The following MATCAP2 variants were observed in gnomAD, a reference collection of about 807,000 sequenced individuals.
The protein encoded by MATCAP2 is putative tyrosine carboxypeptidase MATCAP2.
the MATCAP2 span, chr7:36,333,803 T>C: frequency 1.4e-6 from 2 of 1,423,770 alleles, no homozygotes; most frequent in South Asian, 1.5e-5. Flanking sequence ...ATAAACAAAA[T>C]CACTAGACAA....
chr7:36,377,157 T>C, the MATCAP2 span, among the ~76,000 whole-genome samples: 1 of 152,206 alleles, frequency 6.6e-6, no homozygotes, highest in African/African-American at 2.4e-5. Context: ...TGTTAGCTGG[T>C]TATTTTGCCC....
chr7:36,358,554 A>C, the MATCAP2 span, among the ~76,000 whole-genome samples: 1 of 152,352 alleles, frequency 6.6e-6, no homozygotes, highest in East Asian at 1.9e-4. Flanking sequence ...AATATATCAA[A>C]TGGCAAGTGA....
At chr7:36,378,446 C>T in the MATCAP2 span, among the ~76,000 whole-genome samples, 5,655 of 152,246 alleles carry the variant, frequency 0.037, 143 homozygotes, top group African/African-American at 0.061. Flanking sequence ...GCAAATATTG[C>T]TGCCTGATCC....
chr7:36,389,714 G>A, the MATCAP2 span: 2 of 309,170 alleles, frequency 6.5e-6, no homozygotes, highest in Non-Finnish European at 1.2e-5. Context: ...AGGGGGCCGG[G>A]AAGGAGGCGG....
the MATCAP2 span, chr7:36,390,034 C>G: frequency 6.2e-7 from 1 of 1,614,028 alleles, no homozygotes; most frequent in Non-Finnish European, 8.5e-7. Flanking sequence ...GCGATGGATC[C>G]GTTTACGGAG....
chr7:36,366,602 T>G, the MATCAP2 span: 1 of 1,387,886 alleles, frequency 7.2e-7, no homozygotes. Flanking sequence ...ACCTAGCGTG[T>G]TTTGAAATAG....
At chr7:36,367,216 G>C in the MATCAP2 span, 1 of 1,155,004 alleles carries the variant, frequency 8.7e-7, no homozygotes, top group South Asian at 4.4e-5. Flanking sequence ...CCGTGACGTA[G>C]CCGCTCCGCC....
the MATCAP2 span, among the ~76,000 whole-genome samples, chr7:36,386,624 AG>A: frequency 6.6e-6 from 1 of 152,228 alleles, no homozygotes; most frequent in Non-Finnish European, 1.5e-5. Flanking sequence ...TAAATCCATA[AG>A]AAAAAGGCAA....
the MATCAP2 span, among the ~76,000 whole-genome samples, chr7:36,337,134 T>G: frequency 1.8e-5 from 1 of 54,538 alleles, no homozygotes; most frequent in African/African-American, 6.6e-5. Flanking sequence ...AAGCAATCAG[T>G]CTTCTGCAAC....
At chr7:36,334,002 G>A in the MATCAP2 span, 2 of 1,614,096 alleles carry the variant, frequency 1.2e-6, no homozygotes, top group Non-Finnish European at 1.7e-6. Flanking sequence ...GTAGAGGAGG[G>A]CAGCCCTCCA....
chr7:36,378,164 C>A, the MATCAP2 span, among the ~76,000 whole-genome samples: 1 of 152,188 alleles, frequency 6.6e-6, no homozygotes, highest in African/African-American at 2.4e-5. Flanking sequence ...GAGCTGTGAT[C>A]CTTTAGAGAA....
the MATCAP2 span, among the ~76,000 whole-genome samples, chr7:36,373,298 G>A: frequency 2.0e-5 from 3 of 152,182 alleles, no homozygotes; most frequent in South Asian, 4.2e-4. Flanking sequence ...TATGAAGCAC[G>A]GCAAATCGGT....
chr7:36,386,603 C>CA, the MATCAP2 span, among the ~76,000 whole-genome samples: 3 of 152,088 alleles, frequency 2.0e-5, no homozygotes, highest in East Asian at 5.8e-4. Context: ...AAACAACCAA[C>CA]AAAAACCCTA....
the MATCAP2 span, among the ~76,000 whole-genome samples, chr7:36,370,463 GT>G: frequency 1.3e-5 from 2 of 152,050 alleles, no homozygotes; most frequent in Non-Finnish European, 2.9e-5. Flanking sequence ...AACTGCTTTT[GT>G]TTTTTATTTT....
chr7:36,357,549 T>A, the MATCAP2 span: 13 of 1,613,746 alleles, frequency 8.1e-6, no homozygotes, highest in Non-Finnish European at 1.1e-5. Context: ...GCATTTAGAA[T>A]AGACTTCTTA....
chr7:36,328,240 A>AGGG, the MATCAP2 span, among the ~76,000 whole-genome samples: 23 of 70,322 alleles, frequency 3.3e-4, no homozygotes, highest in East Asian at 9.2e-4. Flanking sequence ...TTGTTTTTGT[A>AGGG]GGGGGGGGGG....
chr7:36,359,572 C>G, the MATCAP2 span, among the ~76,000 whole-genome samples: 1 of 152,024 alleles, frequency 6.6e-6, no homozygotes, highest in African/African-American at 2.4e-5. Flanking sequence ...CTTGCAGGGG[C>G]TAAATGTCTA....
chr7:36,367,316 C>CGCGG, the MATCAP2 span: 9 of 1,009,708 alleles, frequency 8.9e-6, no homozygotes, highest in South Asian at 4.2e-4. Flanking sequence ...CGAAGGCCCG[C>CGCGG]GGGCGGCGAG....
the MATCAP2 span, among the ~76,000 whole-genome samples, chr7:36,376,004 G>A: frequency 5.3e-5 from 8 of 151,912 alleles, no homozygotes; most frequent in Admixed American, 2.0e-4. Context: ...TCTTGCTAGC[G>A]GTTTATCAAT....
Sources: allele counts gnomAD v4.1 joint callset (sites outside exome capture counted in the v4.1 genomes callset), GRCh38; gene constraint gnomAD v4.1.1; transcripts MANE v1.5; gene names NCBI Gene and HGNC (gene_info 2026-07-23, HGNC 2026-07-21).